Variants in GALNT17 observed in about 807,000 individuals in gnomAD.
GALNT17 encodes polypeptide N-acetylgalactosaminyltransferase 17.
Under a neutral mutation model 63.7 loss-of-function variants are expected in GALNT17, and 29 were observed. That is an observed-to-expected ratio of 0.46 (90% confidence interval 0.34 to 0.62). The LOEUF is 0.62. GALNT17 is among the 20% of genes least tolerant of loss of function. GALNT17 has a pLI of 0.01. For missense variants in GALNT17, 603 were observed against 799.6 expected, an observed-to-expected ratio of 0.75 and a Z score of 2.97; for synonymous variants, 305 against 318.3, an observed-to-expected ratio of 0.96 and a Z score of 0.45.
intron 2 of GALNT17, among the ~76,000 whole-genome samples, chr7:71,336,457 T>C (rs530210640): frequency 6.1e-4 from 93 of 152,312 alleles, no homozygotes; most frequent in African/African-American, 2.1e-3. Flanking sequence ...ATCTCCCAGA[T>C]AACACCATAG....
chr7:71,457,675 G>C (rs1787379153), intron 5 of GALNT17, among the ~76,000 whole-genome samples: 1 of 152,144 alleles, frequency 6.6e-6, no homozygotes, highest in African/African-American at 2.4e-5. Context: ...GCTGGTGGGA[G>C]CATAGCGGTG....
At chr7:71,594,870 G>A (rs1789863517) in intron 6 of GALNT17, among the ~76,000 whole-genome samples, 1 of 152,204 alleles carries the variant, frequency 6.6e-6, no homozygotes, top group Non-Finnish European at 1.5e-5. Flanking sequence ...TCCTGCAAAA[G>A]GCATGTTGAA....
At chr7:71,224,918 C>G (rs1208675388) in intron 1 of GALNT17, among the ~76,000 whole-genome samples, 1 of 152,150 alleles carries the variant, frequency 6.6e-6, no homozygotes, top group Non-Finnish European at 1.5e-5. Context: ...ATTGTTGAAA[C>G]CAATCTATAT....
chr7:71,145,269 A>C (rs1188425010), intron 1 of GALNT17, among the ~76,000 whole-genome samples: 2 of 152,196 alleles, frequency 1.3e-5, no homozygotes, highest in Non-Finnish European at 2.9e-5. Flanking sequence ...TGGAGCAGTT[A>C]AGGGGAATTA....
chr7:71,662,189 G>A (rs957263735), intron 6 of GALNT17, among the ~76,000 whole-genome samples: 2 of 152,070 alleles, frequency 1.3e-5, no homozygotes, highest in Non-Finnish European at 2.9e-5. Flanking sequence ...CTTTTGCTAA[G>A]GTCTCTTATG....
At chr7:71,645,233 C>T (rs1790658339) in intron 6 of GALNT17, among the ~76,000 whole-genome samples, 1 of 152,192 alleles carries the variant, frequency 6.6e-6, no homozygotes, top group African/African-American at 2.4e-5. Context: ...TTAGGTCTGT[C>T]CACAGATGGT....
intron 6 of GALNT17, among the ~76,000 whole-genome samples, chr7:71,643,451 G>C (rs1790631970): frequency 6.6e-6 from 1 of 152,118 alleles, no homozygotes; most frequent in Non-Finnish European, 1.5e-5. Flanking sequence ...CTGGGCCACA[G>C]AGCGAGACTC....
chr7:71,186,223 C>T (rs1194670124), intron 1 of GALNT17, among the ~76,000 whole-genome samples: 2 of 152,134 alleles, frequency 1.3e-5, no homozygotes, highest in Non-Finnish European at 2.9e-5. Flanking sequence ...TATTTCAAGC[C>T]AGAAGCTAAA....
At chr7:71,431,218 T>C (rs1786858955) in intron 5 of GALNT17, among the ~76,000 whole-genome samples, 1 of 144,564 alleles carries the variant, frequency 6.9e-6, no homozygotes, top group African/African-American at 2.6e-5. Flanking sequence ...TCTTTTTTTT[T>C]TTTTTTTTTT....
intron 2 of GALNT17, among the ~76,000 whole-genome samples, chr7:71,374,564 C>T (rs1023318122): frequency 6.6e-5 from 10 of 152,138 alleles, no homozygotes; most frequent in Admixed American, 3.9e-4. Flanking sequence ...AGCCCAGATC[C>T]GAGGGGTAGA....
intron 5 of GALNT17, among the ~76,000 whole-genome samples, chr7:71,567,109 A>G (rs1040040773): frequency 4.6e-5 from 7 of 152,134 alleles, no homozygotes; most frequent in Non-Finnish European, 1.0e-4. Flanking sequence ...CTGGCTTGGG[A>G]TCAGTGCTCA....
Position 71,143,160 on chromosome 7 carries a change from G to A in GALNT17, c.238+10120G>A, listed in dbSNP as rs988040468. Among the ~76,000 whole-genome samples the A allele has an allele frequency of 2.6e-5, 4 of 151,804 alleles. No homozygotes were observed. The South Asian group carries it at 6.2e-4, about 24-fold the overall frequency. ...CTCTTGGCCGAGTGCAGTGGCTCAC[G>A]CCTGTAATCCCAGCACTTTGGGAGG... On this transcript the variant is annotated intron_variant, in intron 1 of 10. Transcript: ENST00000333538.
intron 1 of GALNT17, among the ~76,000 whole-genome samples, chr7:71,153,406 G>T (rs1032295903): frequency 6.6e-6 from 1 of 152,110 alleles, no homozygotes; most frequent in Non-Finnish European, 1.5e-5. Context: ...TGGCCTTTCC[G>T]GGCCTCAGTT....
At chr7:71,458,038 C>T (rs1218164905) in intron 5 of GALNT17, among the ~76,000 whole-genome samples, 7 of 152,070 alleles carry the variant, frequency 4.6e-5, no homozygotes, top group East Asian at 3.9e-4. Flanking sequence ...CCCAGTAGGG[C>T]GCTCTGTTCT....
intron 1 of GALNT17, among the ~76,000 whole-genome samples, chr7:71,146,108 G>C (rs553068410): frequency 2.0e-5 from 3 of 152,194 alleles, no homozygotes; most frequent in Admixed American, 1.3e-4. Flanking sequence ...GGGATCCTTC[G>C]GGAGGCGGTG....
intron 1 of GALNT17, among the ~76,000 whole-genome samples, chr7:71,140,944 C>A (rs965059656): frequency 6.6e-6 from 1 of 152,146 alleles, no homozygotes; most frequent in Non-Finnish European, 1.5e-5. Context: ...ACGCTTGAGC[C>A]TAAGAGTTCG....
intron 1 of GALNT17, among the ~76,000 whole-genome samples, chr7:71,333,176 C>T (rs1455435830): frequency 2.6e-5 from 4 of 152,242 alleles, no homozygotes; most frequent in African/African-American, 9.6e-5. Flanking sequence ...CCCTTCCCTA[C>T]TGAAAGCAAC....
At chr7:71,335,511 T>G (rs1791882884) in intron 1 of GALNT17, 39 bp from the exon 2 acceptor site, 3 of 1,506,140 alleles carry the variant, frequency 2.0e-6, no homozygotes, top group Non-Finnish European at 2.7e-6. Flanking sequence ...CCTGGTATGG[T>G]GGTTTTCTAA....
chr7:71,572,314 T>TGACATAACAA (rs1789457242), intron 6 of GALNT17, among the ~76,000 whole-genome samples: 1 of 149,510 alleles, frequency 6.7e-6, no homozygotes, highest in Non-Finnish European at 1.5e-5. Flanking sequence ...CCAGCCTGGG[T>TGACATAACAA]GACATAACAA....
Sources: gnomAD v4.1 joint callset for allele counts (sites outside exome capture counted in the v4.1 genomes callset) on GRCh38, gnomAD v4.1.1 for gene constraint, MANE v1.5 for transcripts, NCBI Gene and HGNC (gene_info 2026-07-23, HGNC 2026-07-21) for gene names.